The following GALNT10 variants were observed in gnomAD, a reference collection of about 807,000 sequenced individuals.
The protein encoded by GALNT10 is polypeptide N-acetylgalactosaminyltransferase 10.
Under a neutral mutation model 75.0 loss-of-function variants are expected in GALNT10, and 41 were observed. The ratio of observed to expected loss-of-function variants is 0.55; its 90% CI spans 0.43 to 0.71. The LOEUF (loss-of-function observed/expected upper bound fraction) is 0.71, where lower values mean the gene tolerates loss of function less well. Among genes scored for constraint, GALNT10 ranks in the 30% least tolerant of loss-of-function variants. The probability of loss-of-function intolerance (pLI) is 0.00; values close to 1 mark genes in which losing one functional copy is unlikely to be tolerated. For missense variants in GALNT10, 727 were observed against 818.5 expected (o/e 0.89, Z 1.36); for synonymous variants, 302 against 313.0 (o/e 0.96, Z 0.37).
At chr5:154,389,710 G>T (rs1755864545) in intron 7 of GALNT10, 1 of 151,458 alleles carries the variant, frequency 6.6e-6, no homozygotes, top group African/African-American at 2.4e-5. Flanking sequence ...GTCCAACATT[G>T]CTTTTCATAA....
chr5:154,319,612 G>A (rs957827582), intron 3 of GALNT10, among the ~76,000 whole-genome samples: 7 of 152,214 alleles, frequency 4.6e-5, no homozygotes, highest in South Asian at 2.1e-4. Context: ...ACTGTCAGGC[G>A]TAAGCCATGA....
chr5:154,281,266 T>A (rs904332048), intron 1 of GALNT10, among the ~76,000 whole-genome samples: 2 of 152,212 alleles, frequency 1.3e-5, no homozygotes, highest in Non-Finnish European at 2.9e-5. Context: ...AGTGTATAGG[T>A]CTTACACATT....
rs1160234453 is a variant in GALNT10 at position 154,376,714 on chromosome 5, C to T, written c.754+252C>T. 4.6e-5 allele frequency among the ~76,000 whole-genome samples: 7 copies of T among 152,168 alleles called. No individual in the cohort carries two copies. Among genetic ancestry groups the T allele is most frequent in the Non-Finnish European group, 1.0e-4 (7 of 68,026 alleles). On this transcript the variant is annotated intron_variant, in intron 5 of 11. Coordinates refer to ENST00000297107, the MANE Select transcript of GALNT10 (RefSeq NM_198321.4). The surrounding 1 kb of genome is among the most constrained non-coding windows in gnomAD (Gnocchi z 4.1). ...AAGTGACTTACCCAAAGTCACACAG[C>T]ACATGAGCATCTAGTGACATGACGG...
At chr5:154,258,862 T>C (rs993610741) in intron 1 of GALNT10, among the ~76,000 whole-genome samples, 9 of 152,194 alleles carry the variant, frequency 5.9e-5, no homozygotes, top group African/African-American at 2.2e-4. Context: ...CCAATTGTGT[T>C]TCTCATGAAT....
intron 1 of GALNT10, among the ~76,000 whole-genome samples, chr5:154,269,130 C>T (rs772634253): frequency 2.8e-5 from 3 of 105,970 alleles, no homozygotes; most frequent in African/African-American, 1.5e-4. Context: ...GGACTACAGG[C>T]GCTTGCCACC....
At chr5:154,191,618 G>A (rs145268541) in intron 1 of GALNT10, among the ~76,000 whole-genome samples, 1 of 152,292 alleles carries the variant, frequency 6.6e-6, no homozygotes, top group African/African-American at 2.4e-5. Context: ...CTTGCAGAAT[G>A]TAAAGATCAT....
chr5:154,290,550 C>A (rs1280693438), intron 1 of GALNT10, among the ~76,000 whole-genome samples: 1 of 152,116 alleles, frequency 6.6e-6, no homozygotes, highest in Non-Finnish European at 1.5e-5. Context: ...ACAGTAGATT[C>A]TTAAAATCCT....
chr5:154,246,579 A>T (rs1216391804), intron 1 of GALNT10, among the ~76,000 whole-genome samples: 1 of 152,210 alleles, frequency 6.6e-6, no homozygotes, highest in Non-Finnish European at 1.5e-5. Context: ...GCATTTTTTA[A>T]TGTGCCTTTT....
At chr5:154,202,159 G>A (rs1775036617) in intron 1 of GALNT10, among the ~76,000 whole-genome samples, 1 of 152,194 alleles carries the variant, frequency 6.6e-6, no homozygotes, top group Admixed American at 6.5e-5. Context: ...AGAAAAGAGA[G>A]AACCTGGATG....
chr5:154,245,504 A>T (rs1182432675), intron 1 of GALNT10, among the ~76,000 whole-genome samples: 1 of 151,712 alleles, frequency 6.6e-6, no homozygotes, highest in Admixed American at 6.6e-5. Context: ...GGTCACAGTG[A>T]ATGAGTCATA....
chr5:154,367,308 C>G (rs1002968337), intron 4 of GALNT10, among the ~76,000 whole-genome samples: 1 of 152,134 alleles, frequency 6.6e-6, no homozygotes, highest in African/African-American at 2.4e-5. Flanking sequence ...AACCAGTTTC[C>G]CTGGGGGTTC....
At chr5:154,226,116 TA>T (rs1246664770) in intron 1 of GALNT10, among the ~76,000 whole-genome samples, 1 of 151,328 alleles carries the variant, frequency 6.6e-6, no homozygotes, top group East Asian at 1.9e-4. Flanking sequence ...ACATGTACCA[TA>T]AAACTTAAAG....
chr5:154,233,614 AC>A (rs1313437160), intron 1 of GALNT10, among the ~76,000 whole-genome samples: 1 of 151,684 alleles, frequency 6.6e-6, no homozygotes, highest in Non-Finnish European at 1.5e-5. Context: ...TCTTCAGAGC[AC>A]CCCCCACCAG....
chr5:154,319,369 C>G (rs1384621062), intron 3 of GALNT10, among the ~76,000 whole-genome samples: 1 of 152,220 alleles, frequency 6.6e-6, no homozygotes, highest in Non-Finnish European at 1.5e-5. Context: ...GCCAGTTTTC[C>G]TTTGAGCCCC....
At position 154,409,708 on chromosome 5, in the gene GALNT10, G is replaced by C. The variant is rs1222670857; in HGVS notation, c.1332G>C (p.Trp444Cys). 1 of 1,614,128 alleles carries C rather than the reference G, an allele frequency of 6.2e-7. No individual in the cohort carries two copies. Among genetic ancestry groups the C allele is most frequent in the Non-Finnish European group, 8.5e-7 (1 of 1,180,018 alleles). ...SFKWFMTKIA[W>C]DLPKFYPPVE... The stretch of plus-strand genomic sequence containing the variant: ...AGTGGTTTATGACGAAGATAGCCTG[G>C]GACCTGCCCAAATTCTACCCACCCG... Residue 444 changes from tryptophan to cysteine, a missense_variant, in exon 9 of 12, where the codon TGG becomes TGC. Coordinates refer to ENST00000297107, the MANE Select transcript of GALNT10 (RefSeq NM_198321.4). The surrounding 1 kb of genome is among the most constrained non-coding windows in gnomAD (Gnocchi z 4.5).
intron 1 of GALNT10, among the ~76,000 whole-genome samples, chr5:154,253,336 G>A (rs1753556835): frequency 7.2e-6 from 1 of 138,444 alleles, no homozygotes; most frequent in African/African-American, 2.7e-5. Flanking sequence ...GGTGGGAATT[G>A]AACAATGAGA....
chr5:154,284,289 G>C (rs1754082898), intron 1 of GALNT10, among the ~76,000 whole-genome samples: 1 of 152,188 alleles, frequency 6.6e-6, no homozygotes, highest in Non-Finnish European at 1.5e-5. Context: ...ACAGAACTGT[G>C]GCACAAGCCT....
At position 154,239,593 on chromosome 5, in the gene GALNT10, G is replaced by A. The variant is rs192719236; in HGVS notation, c.159+48568G>A. On this transcript the variant is annotated intron_variant, in intron 1 of 11. Coordinates refer to ENST00000297107, the MANE Select transcript of GALNT10 (RefSeq NM_198321.4). ...CCCGGTCCCCATCCGTGGAAAAATTGTCTTCCACAAAACGAGTCCCTGTGC... is the reference window on the plus strand; with the variant it reads ...CCCGGTCCCCATCCGTGGAAAAATTATCTTCCACAAAACGAGTCCCTGTGC... Among the ~76,000 whole-genome samples the A allele has an allele frequency of 4.3e-3, 653 of 151,698 alleles. 2 individuals are homozygous for A. Among genetic ancestry groups the A allele is most frequent in the African/African-American group, 0.015 (622 of 41,414 alleles).
chr5:154,194,558 G>A (rs1308046419), intron 1 of GALNT10, among the ~76,000 whole-genome samples: 1 of 152,192 alleles, frequency 6.6e-6, no homozygotes, highest in Non-Finnish European at 1.5e-5. Flanking sequence ...GAGTCCAGCT[G>A]AGGAAGGCCT....
Sources: allele counts gnomAD v4.1 joint callset (sites outside exome capture counted in the v4.1 genomes callset), GRCh38; gene constraint gnomAD v4.1.1; non-coding constraint Gnocchi (gnomAD v3.1); transcripts MANE v1.5; gene names NCBI Gene and HGNC (gene_info 2026-07-23, HGNC 2026-07-21).